The following RNFT2 variants were observed in gnomAD, a reference collection of about 807,000 sequenced individuals.
The protein encoded by RNFT2 is E3 ubiquitin-protein ligase RNFT2.
Under a neutral mutation model 53.0 loss-of-function variants are expected in RNFT2, and 36 were observed. The observed-to-expected ratio is 0.68, with a 90% confidence interval of 0.52 to 0.90. The LOEUF (loss-of-function observed/expected upper bound fraction) is 0.90, where lower values mean the gene tolerates loss of function less well. RNFT2 is among the 40% of genes least tolerant of loss of function. The pLI is 0.00. For synonymous variants in RNFT2, 260 were observed against 253.2 expected, an observed-to-expected ratio of 1.03 and a Z score of -0.26; for missense variants, 514 against 585.6, an observed-to-expected ratio of 0.88 and a Z score of 1.26.
At chr12:116,761,436 C>T (rs1284634582) in intron 5 of RNFT2, among the ~76,000 whole-genome samples, 5 of 152,212 alleles carry the variant, frequency 3.3e-5, no homozygotes, top group Non-Finnish European at 7.3e-5. Context: ...GCGTGAGCCA[C>T]CATGCCTGGC....
At chr12:116,771,710 C>T (rs1873203551) in intron 6 of RNFT2, among the ~76,000 whole-genome samples, 1 of 151,958 alleles carries the variant, frequency 6.6e-6, no homozygotes, top group Non-Finnish European at 1.5e-5. Flanking sequence ...ATGTGGGCAC[C>T]CTCTTCTGTG....
chr12:116,840,979 T>A (rs1283190850), intron 10 of RNFT2, among the ~76,000 whole-genome samples: 1 of 152,068 alleles, frequency 6.6e-6, no homozygotes, highest in Non-Finnish European at 1.5e-5. Flanking sequence ...AGTAATGTCA[T>A]TTTTCGTAAT....
chr12:116,764,760 T>C lies in RNFT2; in HGVS notation c.628-2054T>C, dbSNP rs559546697. ...TACAAAAATTAGCTGGGCATGGTGG[T>C]GGGCGCCTGTAATCCCAGCCACTTG... On this transcript the variant is annotated intron_variant, in intron 5 of 10. Coordinates refer to ENST00000257575, the MANE Select transcript of RNFT2 (RefSeq NM_001382266.1). Among the ~76,000 whole-genome samples, 6 of 152,118 alleles carry C rather than the reference T, an allele frequency of 3.9e-5. No homozygotes were observed. The East Asian group carries it at 1.2e-3, about 29-fold the overall frequency.
chr12:116,841,871 A>T (rs1474669032), intron 10 of RNFT2, among the ~76,000 whole-genome samples: 1 of 24,486 alleles, frequency 4.1e-5, no homozygotes, highest in African/African-American at 1.6e-4. Context: ...ATATATATAA[A>T]TATATATATA....
intron 10 of RNFT2, among the ~76,000 whole-genome samples, chr12:116,845,281 A>G (rs1425003264): frequency 1.8e-5 from 2 of 108,290 alleles, no homozygotes; most frequent in Non-Finnish European, 3.5e-5. Flanking sequence ...ATATAGAGAG[A>G]GAGAGAGAGA....
chr12:116,757,970 G>A (rs1872570706), intron 5 of RNFT2, among the ~76,000 whole-genome samples: 1 of 152,126 alleles, frequency 6.6e-6, no homozygotes, highest in African/African-American at 2.4e-5. Context: ...CATTTCTTAG[G>A]TCTGTTAGTC....
At chr12:116,818,233 G>A (rs1358818322) in intron 7 of RNFT2, among the ~76,000 whole-genome samples, 1 of 151,998 alleles carries the variant, frequency 6.6e-6, no homozygotes, top group Non-Finnish European at 1.5e-5. Flanking sequence ...TGAGAGGGGA[G>A]GCTCGCTTGA....
rs554741486 is a variant in RNFT2, at chr12:116,837,947, G to A, written c.1200+1665G>A. On this transcript the variant is annotated intron_variant, in intron 10 of 10. Coordinates refer to ENST00000257575, the MANE Select transcript of RNFT2 (RefSeq NM_001382266.1). ...TTTACTTTAAAAAAAATCTTTGAAAGATATAAAAAGGAGGCCTGTCACCAT... is the reference window on the plus strand; with the variant it reads ...TTTACTTTAAAAAAAATCTTTGAAAAATATAAAAAGGAGGCCTGTCACCAT... Among the ~76,000 whole-genome samples the A allele has an allele frequency of 7.2e-5, 11 of 151,900 alleles. No homozygotes were observed. In the Middle Eastern group the frequency reaches 0.01, roughly 141 times the overall value.
chr12:116,748,731 C>T, intron 3 of RNFT2: 1 of 431,798 alleles, frequency 2.3e-6, no homozygotes, highest in Non-Finnish European at 4.6e-6. Context: ...GCCAGCGGTC[C>T]TTGGGATCCC....
intron 10 of RNFT2, among the ~76,000 whole-genome samples, chr12:116,848,107 T>C (rs972304183): frequency 1.3e-5 from 2 of 152,190 alleles, no homozygotes; most frequent in Non-Finnish European, 2.9e-5. Flanking sequence ...TTTGGTTTTC[T>C]GTTCCTGTGT....
chr12:116,819,589 A>T (rs995945025), intron 7 of RNFT2, among the ~76,000 whole-genome samples: 7 of 152,014 alleles, frequency 4.6e-5, no homozygotes, highest in Admixed American at 1.3e-4. Flanking sequence ...CGCCGCCAGG[A>T]GGGGGATTAA....
chr12:116,821,971 A>T (rs1876063381), intron 7 of RNFT2, among the ~76,000 whole-genome samples: 1 of 151,748 alleles, frequency 6.6e-6, no homozygotes, highest in African/African-American at 2.4e-5. Flanking sequence ...AGTAGCTGAG[A>T]TTACAGGTGT....
chr12:116,778,894 A>G lies in RNFT2; in HGVS notation c.729-301A>G, dbSNP rs537453296. 3.9e-5 allele frequency among the ~76,000 whole-genome samples: 6 copies of G among 152,326 alleles called. No individual in the cohort carries two copies. In the South Asian group the frequency reaches 1.0e-3, roughly 26 times the overall value. On this transcript the variant is annotated intron_variant, in intron 6 of 10. Transcript: ENST00000257575. Reference sequence around the variant, plus strand: ...AAACCACCTCTTTCCTCTATAAGTTACCCAGCCTAAGGTATTCTGTTATAG... The same window carrying G: ...AAACCACCTCTTTCCTCTATAAGTTGCCCAGCCTAAGGTATTCTGTTATAG...
At chr12:116,788,818 GGATGGATA>G (rs1163487525) in intron 7 of RNFT2, among the ~76,000 whole-genome samples, 1 of 86,340 alleles carries the variant, frequency 1.2e-5, no homozygotes, top group Non-Finnish European at 2.9e-5. Context: ...TTTGGTGGAT[GGATGGATA>G]GATGGATGGA....
At chr12:116,804,831 G>C (rs755947029) in intron 7 of RNFT2, among the ~76,000 whole-genome samples, 1 of 152,182 alleles carries the variant, frequency 6.6e-6, no homozygotes, top group Non-Finnish European at 1.5e-5. Context: ...GCCAGGCATG[G>C]TGGTACATGC....
intron 6 of RNFT2, among the ~76,000 whole-genome samples, chr12:116,770,080 G>A (rs1873107949): frequency 6.6e-6 from 1 of 152,118 alleles, no homozygotes; most frequent in Admixed American, 6.6e-5. Flanking sequence ...TACAGTGTCT[G>A]TAAATTCTAC....
intron 3 of RNFT2, among the ~76,000 whole-genome samples, chr12:116,744,242 AAG>A (rs1491479209): frequency 1.3e-5 from 2 of 151,728 alleles, no homozygotes; most frequent in Non-Finnish European, 2.9e-5. Flanking sequence ...AAAAAAAAAA[AAG>A]AGTTGTTTAT....
At chr12:116,785,293 G>GTTTGTTTTGTTTTGT (rs141129361) in intron 7 of RNFT2, among the ~76,000 whole-genome samples, 3 of 146,258 alleles carry the variant, frequency 2.1e-5, no homozygotes, top group African/African-American at 7.8e-5. Context: ...GGGGTTGTTT[G>GTTTGTTTTGTTTTGT]TTTGTTTTGT....
chr12:116,755,872 C>T (rs1176316818), intron 5 of RNFT2: 1 of 1,541,734 alleles, frequency 6.5e-7, no homozygotes, highest in Non-Finnish European at 8.9e-7. Flanking sequence ...TTGTGTTCGT[C>T]ATTTTGGCGA....
Sources: gnomAD v4.1 joint callset for allele counts (sites outside exome capture counted in the v4.1 genomes callset) on GRCh38, gnomAD v4.1.1 for gene constraint, MANE v1.5 for transcripts, NCBI Gene and HGNC (gene_info 2026-07-23, HGNC 2026-07-21) for gene names.